THSD4: variants seen among roughly 807,000 people sequenced by gnomAD.
THSD4 encodes thrombospondin type 1 domain containing 4.
THSD4 carries 69 observed loss-of-function variants against 119.0 expected under a neutral mutation model. That is an observed-to-expected ratio of 0.58 (90% CI 0.48 to 0.71). The LOEUF is 0.71. THSD4 is among the 30% of genes least tolerant of loss of function. The probability of loss-of-function intolerance (pLI) is 0.00; values close to 1 mark genes in which losing one functional copy is unlikely to be tolerated. For missense variants in THSD4, 1,393 were observed against 1,391.1 expected (o/e 1.00, Z -0.02); for synonymous variants, 524 against 540.4 (o/e 0.97, Z 0.42).
intron 6 of THSD4, among the ~76,000 whole-genome samples, chr15:71,356,015 G>A (rs185573317): frequency 7.4e-4 from 112 of 152,098 alleles, no homozygotes; most frequent in Middle Eastern, 3.4e-3. Flanking sequence ...CTACAGGCGT[G>A]CGTCACCACA....
chr15:71,632,395 C>T (rs572517483), intron 7 of THSD4, among the ~76,000 whole-genome samples: 36 of 152,252 alleles, frequency 2.4e-4, no homozygotes, highest in African/African-American at 7.9e-4. Flanking sequence ...CAGGTGTTAC[C>T]GGGTCATGTA....
intron 6 of THSD4, among the ~76,000 whole-genome samples, chr15:71,282,782 A>T (rs1221539007): frequency 6.6e-6 from 1 of 151,590 alleles, no homozygotes; most frequent in East Asian, 1.9e-4. Context: ...CAACTACCTG[A>T]CTCCTCACTG....
chr15:71,780,519 AAAAC>A lies in THSD4; in HGVS notation c.*3153_*3156del, dbSNP rs754943381. The A allele has an allele frequency of 7.4e-5, 23 of 309,684 alleles. No individual in the cohort carries two copies. The highest frequency in any genetic ancestry group is 2.6e-4 in the African/African-American group (12 of 46,420). 19.2% of individuals were successfully genotyped at this position (309,684 alleles called of 1,614,324 possible). A position where few individuals can be genotyped will look rare whatever the true frequency, so the allele number is the denominator to read the frequency against. ...GGATGGCCTAAGAAATACAACTAAAAAAACAAACAAAAACACCAAAAGAAAAAAA... is the reference window on the plus strand; with the variant it reads ...GGATGGCCTAAGAAATACAACTAAAAAAACAAAAACACCAAAAGAAAAAAA... On this transcript the variant is annotated 3_prime_UTR_variant, in exon 18 of 18. Coordinates refer to ENST00000261862, the MANE Select transcript of THSD4 (RefSeq NM_024817.3).
chr15:71,345,958 T>C (rs2045654546), intron 6 of THSD4, among the ~76,000 whole-genome samples: 1 of 152,148 alleles, frequency 6.6e-6, no homozygotes, highest in Non-Finnish European at 1.5e-5. Context: ...AAAATTCTCA[T>C]ACATAACCAC....
intron 7 of THSD4, among the ~76,000 whole-genome samples, chr15:71,440,180 C>T (rs1027182226): frequency 1.6e-4 from 25 of 152,088 alleles, no homozygotes; most frequent in African/African-American, 6.0e-4. Context: ...TGAATATGAT[C>T]ATGCATGAAC....
intron 7 of THSD4, among the ~76,000 whole-genome samples, chr15:71,647,012 A>G (rs1414523677): frequency 6.6e-6 from 1 of 152,236 alleles, no homozygotes; most frequent in Non-Finnish European, 1.5e-5. Context: ...CGTGCAGTAT[A>G]GATTACCTGA....
chr15:71,398,952 C>G (rs1982234), intron 6 of THSD4, among the ~76,000 whole-genome samples: 41,038 of 151,734 alleles, frequency 0.27, 7,137 homozygotes, highest in Middle Eastern at 0.4. Context: ...CAGAAAGTCC[C>G]CAGGCCCCCA....
At chr15:71,664,440 A>G (rs537370198) in intron 8 of THSD4, among the ~76,000 whole-genome samples, 2 of 139,402 alleles carry the variant, frequency 1.4e-5, no homozygotes, top group South Asian at 2.5e-4. Context: ...ATAGATTTCT[A>G]TGAAAAAGGC....
At position 71,587,785 on chromosome 15, in the gene THSD4, A is replaced by T. The variant is rs1380111507; in HGVS notation, c.1153-72745A>T. ...ACTTAGAGTATAATAAAAAAAAAAA[A>T]TTAAAAAAAAAAAAGAAAAAAAAAA... On this transcript the variant is annotated intron_variant, in intron 7 of 17. Coordinates refer to ENST00000261862, the MANE Select transcript of THSD4 (RefSeq NM_024817.3). Among the ~76,000 whole-genome samples, 226 of 15,098 alleles carry T rather than the reference A, an allele frequency of 0.015. 7 individuals carry two copies. In the South Asian group the frequency reaches 0.42, roughly 28 times the overall value. The allele number at this position is 15,098 out of a possible 152,430, so 9.9% of individuals were successfully genotyped here. A position where few individuals can be genotyped will look rare whatever the true frequency, so the allele number is the denominator to read the frequency against.
intron 6 of THSD4, among the ~76,000 whole-genome samples, chr15:71,313,773 G>A (rs1272967516): frequency 1.3e-5 from 2 of 152,038 alleles, no homozygotes; most frequent in East Asian, 1.9e-4. Flanking sequence ...TGTGTCTCGC[G>A]GTCTCCCTCC....
At chr15:71,759,887 T>C (rs758485073) in intron 15 of THSD4, among the ~76,000 whole-genome samples, 1 of 152,146 alleles carries the variant, frequency 6.6e-6, no homozygotes, top group Non-Finnish European at 1.5e-5. Context: ...TTTGTTGCCC[T>C]GTTGTCCAAA....
At chr15:71,381,991 A>G (rs2046234873) in intron 6 of THSD4, among the ~76,000 whole-genome samples, 1 of 152,170 alleles carries the variant, frequency 6.6e-6, no homozygotes, top group Admixed American at 6.5e-5. Flanking sequence ...TTCAAGATCA[A>G]AAAGAATTAA....
chr15:71,275,818 G>A (rs2044582809), intron 6 of THSD4, among the ~76,000 whole-genome samples: 1 of 152,086 alleles, frequency 6.6e-6, no homozygotes, highest in African/African-American at 2.4e-5. Flanking sequence ...CTTTTGCTTG[G>A]TGCATCGCCT....
In THSD4 at chr15:71,215,189, AC is replaced by A; in HGVS notation, c.256del (p.Arg86AlafsTer162). 7.3e-7 allele frequency: 1 copy of A among 1,362,452 alleles called. No individual in the cohort carries two copies. Among genetic ancestry groups the A allele is most frequent in the Non-Finnish European group, 9.4e-7 (1 of 1,061,138 alleles). 84.4% of individuals were successfully genotyped at this position (1,362,452 alleles called of 1,614,324 possible). A position where few individuals can be genotyped will look rare whatever the true frequency, so the allele number is the denominator to read the frequency against. On this transcript the variant is annotated frameshift_variant, in exon 4 of 18. Transcript: ENST00000261862. LOFTEE classifies it high-confidence loss of function. The stretch of plus-strand genomic sequence containing the variant: ...ACGCGGCCCTGCCTGCCCCGCTCCT[AC>A]CGCCTGCGCGGCGGCCAGCGGCCTG... The part of the protein sequence containing the change: ...EQTRPCLPRS[Y>X]RLRGGQRPGA...
chr15:71,520,509 A>T (rs2048424904), intron 7 of THSD4, among the ~76,000 whole-genome samples: 1 of 152,170 alleles, frequency 6.6e-6, no homozygotes. Context: ...TAAACAAGGC[A>T]GTGTCTTGAC....
intron 6 of THSD4, among the ~76,000 whole-genome samples, chr15:71,379,109 T>G (rs2046191210): frequency 6.6e-6 from 1 of 152,072 alleles, no homozygotes. Flanking sequence ...TTAAGCCAGT[T>G]GTTGAGATCA....
intron 1 of THSD4, among the ~76,000 whole-genome samples, chr15:71,109,512 G>A (rs376628377): frequency 6.6e-5 from 10 of 152,212 alleles, no homozygotes; most frequent in East Asian, 1.9e-4. Context: ...GTGTGAGCCC[G>A]TCCCATTCTC....
chr15:71,158,751 A>T lies in THSD4; in HGVS notation c.99+3819A>T, dbSNP rs534304348. On this transcript the variant is annotated intron_variant, in intron 3 of 17. Transcript: ENST00000261862. Reference sequence around the variant, plus strand: ...TTGCAAATATTTTCTCCCATTCTGTATGTTGTCTTTTCAGTTTATTGTGGA... The same window carrying T: ...TTGCAAATATTTTCTCCCATTCTGTTTGTTGTCTTTTCAGTTTATTGTGGA... 2.5e-4 allele frequency among the ~76,000 whole-genome samples: 38 copies of T among 150,820 alleles called. 1 individual carries two copies. In the South Asian group the frequency reaches 7.1e-3, roughly 28 times the overall value.
intron 3 of THSD4, among the ~76,000 whole-genome samples, chr15:71,159,225 G>A (rs1372718362): frequency 6.6e-6 from 1 of 152,252 alleles, no homozygotes; most frequent in East Asian, 1.9e-4. Context: ...TAGATGTGTA[G>A]TATATTTTGA....
Sources: allele counts gnomAD v4.1 joint callset (sites outside exome capture counted in the v4.1 genomes callset), GRCh38; gene constraint gnomAD v4.1.1; transcripts MANE v1.5; gene names NCBI Gene and HGNC (gene_info 2026-07-23, HGNC 2026-07-21).